The following GRIA1 variants were observed in gnomAD, a reference collection of about 807,000 sequenced individuals.
The protein encoded by GRIA1 is glutamate receptor 1.
A neutral mutation model predicts 99.2 loss-of-function variants in GRIA1; 31 were observed. The observed-to-expected ratio is 0.31, with a 90% CI of 0.23 to 0.42. The LOEUF (loss-of-function observed/expected upper bound fraction) is 0.42. Ranked by LOEUF, GRIA1 falls within the 10% of genes least tolerant of loss-of-function variation. The probability of loss-of-function intolerance (pLI) is 1.00; values close to 1 mark genes in which losing one functional copy is unlikely to be tolerated. For missense variants in GRIA1, 782 were observed against 1,157.5 expected (o/e 0.68, Z 4.71); for synonymous variants, 438 against 432.4 (o/e 1.01, Z -0.16).
intron 13 of GRIA1, among the ~76,000 whole-genome samples, chr5:153,771,478 G>A (rs897276230): frequency 6.6e-6 from 1 of 152,112 alleles, no homozygotes; most frequent in African/African-American, 2.4e-5. Flanking sequence ...CTAGTAGCTG[G>A]AGCTACAATT....
At chr5:153,568,986 C>T (rs942852819) in intron 2 of GRIA1, among the ~76,000 whole-genome samples, 2 of 151,852 alleles carry the variant, frequency 1.3e-5, no homozygotes, top group South Asian at 2.1e-4. Flanking sequence ...TGAAATCCCA[C>T]TTCCATCAGT....
At position 153,536,333 on chromosome 5, in the gene GRIA1, G is replaced by A. The variant is rs969004498; in HGVS notation, c.220+42268G>A. Among the ~76,000 whole-genome samples, 12 of 152,016 alleles carry A rather than the reference G, an allele frequency of 7.9e-5. No individual in the cohort carries two copies. In the East Asian group the frequency reaches 2.3e-3, roughly 29 times the overall value. ...GTTTAGATCTAATCCCTACCAATAA[G>A]CTTTCCTCAATCTCCCACCCCTACC... is the stretch of plus-strand genomic sequence containing the variant. On this transcript the variant is annotated intron_variant, in intron 2 of 15. Transcript: ENST00000285900.
chr5:153,567,703 G>GA (rs1380767611), intron 2 of GRIA1, among the ~76,000 whole-genome samples: 2 of 152,206 alleles, frequency 1.3e-5, no homozygotes, highest in Non-Finnish European at 2.9e-5. Flanking sequence ...CACCTTATGG[G>GA]AAGCAGTGGA....
chr5:153,498,491 G>C (rs1158477572), intron 2 of GRIA1, among the ~76,000 whole-genome samples: 2 of 152,166 alleles, frequency 1.3e-5, no homozygotes, highest in African/African-American at 4.8e-5. Context: ...AATGTTCAGA[G>C]CCTCAATGAC....
intron 11 of GRIA1, among the ~76,000 whole-genome samples, chr5:153,706,921 C>A (rs1051212228): frequency 6.6e-6 from 1 of 151,934 alleles, no homozygotes; most frequent in Non-Finnish European, 1.5e-5. Context: ...ATGGTGAAAC[C>A]CTGTCTCTAC....
intron 2 of GRIA1, among the ~76,000 whole-genome samples, chr5:153,605,713 A>G (rs1418269286): frequency 6.6e-6 from 1 of 152,118 alleles, no homozygotes; most frequent in African/African-American, 2.4e-5. Context: ...TGTGATTTTA[A>G]TTTGTATTTC....
At chr5:153,546,678 A>G (rs924049004) in intron 2 of GRIA1, among the ~76,000 whole-genome samples, 9 of 152,192 alleles carry the variant, frequency 5.9e-5, no homozygotes, top group African/African-American at 2.2e-4. Flanking sequence ...TATAAGTGCC[A>G]AAGTCAGGCC....
intron 2 of GRIA1, among the ~76,000 whole-genome samples, chr5:153,516,707 C>G (rs570186487): frequency 2.0e-5 from 3 of 152,020 alleles, no homozygotes; most frequent in Non-Finnish European, 2.9e-5. Flanking sequence ...TCTCCCTTCA[C>G]GAGGAAGAAA....
Position 153,746,755 on chromosome 5 carries a change from A to AACTT in GRIA1, c.1824-17677_1824-17674dup, listed in dbSNP as rs1312276606. Among the ~76,000 whole-genome samples, 5 of 152,200 alleles carry AACTT rather than the reference A, an allele frequency of 3.3e-5. No individual in the cohort carries two copies. In the East Asian group the frequency reaches 5.8e-4, roughly 18 times the overall value. On this transcript the variant is annotated intron_variant, in intron 11 of 15. Coordinates refer to ENST00000285900, the MANE Select transcript of GRIA1 (RefSeq NM_000827.4). ...TAAAAAGAGAATAGCTTCTTCTAAG[A>AACTT]ACTTAAGCCCAAAAATACACAGAAG...
chr5:153,603,494 G>A (rs923391509), intron 2 of GRIA1, among the ~76,000 whole-genome samples: 2 of 151,712 alleles, frequency 1.3e-5, no homozygotes, highest in African/African-American at 2.4e-5. Context: ...CTGAGGAATC[G>A]CCACATGTGC....
intron 2 of GRIA1, among the ~76,000 whole-genome samples, chr5:153,551,816 T>A (rs1448288929): frequency 1.3e-5 from 2 of 152,226 alleles, no homozygotes; most frequent in Non-Finnish European, 2.9e-5. Context: ...GAGTAGTGTT[T>A]TCCAGGACCT....
At chr5:153,733,772 A>G (rs572221762) in intron 11 of GRIA1, among the ~76,000 whole-genome samples, 71 of 152,314 alleles carry the variant, frequency 4.7e-4, no homozygotes, top group African/African-American at 1.7e-3. Flanking sequence ...AAAGGGCATC[A>G]TTATATAATG....
chr5:153,746,503 T>C (rs1295819381), intron 11 of GRIA1, among the ~76,000 whole-genome samples: 1 of 152,172 alleles, frequency 6.6e-6, no homozygotes, highest in Non-Finnish European at 1.5e-5. Context: ...CACATTTAAA[T>C]ATGTTCCCAG....
At chr5:153,804,192 G>A (rs1238916731) in intron 15 of GRIA1, among the ~76,000 whole-genome samples, 1 of 152,058 alleles carries the variant, frequency 6.6e-6, no homozygotes, top group Non-Finnish European at 1.5e-5. Flanking sequence ...TTTCACCAGG[G>A]ACCTAGGAAC....
At chr5:153,737,290 TAAAAAAA>T (rs35443126) in intron 11 of GRIA1, among the ~76,000 whole-genome samples, 7 of 74,078 alleles carry the variant, frequency 9.4e-5, no homozygotes, top group Admixed American at 1.7e-4. Context: ...GCAACCCCGG[TAAAAAAA>T]AAAAAAAAAA....
intron 15 of GRIA1, among the ~76,000 whole-genome samples, chr5:153,809,578 C>A (rs773690442): frequency 1.6e-4 from 24 of 152,226 alleles, no homozygotes; most frequent in Non-Finnish European, 2.9e-4. Context: ...AGAATAATGG[C>A]AATATGTCAG....
rs138148900 is a variant in GRIA1 at position 153,658,361 on chromosome 5, C to T, written c.699+2489C>T. 1.8e-4 allele frequency among the ~76,000 whole-genome samples: 27 copies of T among 152,284 alleles called. No individual in the cohort carries two copies. In the East Asian group the frequency reaches 5.2e-3, roughly 29 times the overall value. Reference sequence around the variant, plus strand: ...CTCCATCTGTTGCCAAGTAACCCCTCAGTCACAGCATCACCAAGTCAGCCT... The same window carrying T: ...CTCCATCTGTTGCCAAGTAACCCCTTAGTCACAGCATCACCAAGTCAGCCT... On this transcript the variant is annotated intron_variant, in intron 5 of 15. Transcript: ENST00000285900.
intron 13 of GRIA1, among the ~76,000 whole-genome samples, chr5:153,778,362 G>A (rs1764408487): frequency 6.6e-6 from 1 of 152,076 alleles, no homozygotes; most frequent in Non-Finnish European, 1.5e-5. Flanking sequence ...AGACAAAGGA[G>A]TGGCAAGCGC....
intron 11 of GRIA1, among the ~76,000 whole-genome samples, chr5:153,751,401 G>A (rs761811715): frequency 1.1e-4 from 17 of 152,222 alleles, no homozygotes; most frequent in African/African-American, 4.1e-4. Flanking sequence ...TCTGATATTC[G>A]CAGTAGAGAT....
Sources: allele counts gnomAD v4.1 joint callset (sites outside exome capture counted in the v4.1 genomes callset), GRCh38; gene constraint gnomAD v4.1.1; transcripts MANE v1.5; gene names NCBI Gene and HGNC (gene_info 2026-07-23, HGNC 2026-07-21).